EPHA7: variants seen among roughly 807,000 people sequenced by gnomAD.
The protein encoded by EPHA7 is EPH receptor A7.
Under a neutral mutation model 112.6 loss-of-function variants are expected in EPHA7, and 25 were observed. That is an observed-to-expected ratio of 0.22 (90% CI 0.16 to 0.31). The LOEUF (loss-of-function observed/expected upper bound fraction) is 0.31. Ranked by LOEUF, EPHA7 falls within the 10% of genes least tolerant of loss-of-function variation. The probability of loss-of-function intolerance (pLI) is 1.00; values close to 1 mark genes in which losing one functional copy is unlikely to be tolerated. For synonymous variants in EPHA7, 437 were observed against 406.5 expected (o/e 1.07, Z -0.90); for missense variants, 962 against 1,212.6 (o/e 0.79, Z 3.07).
intron 3 of EPHA7, among the ~76,000 whole-genome samples, chr6:93,373,962 T>A (rs982520978): frequency 2.0e-5 from 3 of 152,004 alleles, no homozygotes; most frequent in African/African-American, 7.2e-5. Flanking sequence ...TTCAGAGAAA[T>A]AAAGCATAAC....
At chr6:93,263,590 T>C (rs543358610) in intron 9 of EPHA7, among the ~76,000 whole-genome samples, 16 of 151,514 alleles carry the variant, frequency 1.1e-4, no homozygotes, top group Middle Eastern at 3.4e-3. Flanking sequence ...TAAGAAACAC[T>C]TGGGCAAAGT....
In EPHA7 at chr6:93,269,485, A is replaced by AT; in HGVS notation, c.1624dup (p.Met542AsnfsTer3). ...ACCAAAGGCATAATTACCTTCAAAC[A>AT]TTTTACCTGTAGCTTCCTCTAGTGT... is the stretch of plus-strand genomic sequence containing the variant. On this transcript the variant is annotated frameshift_variant, in exon 7 of 17. Transcript: ENST00000369303. LOFTEE classifies it high-confidence loss of function. The AT allele has an allele frequency of 6.2e-7, 1 of 1,610,524 alleles. No individual in the cohort carries two copies. The highest frequency in any genetic ancestry group is 8.5e-7 in the Non-Finnish European group (1 of 1,177,818).
At chr6:93,276,842 AT>A (rs1350485545) in intron 5 of EPHA7, among the ~76,000 whole-genome samples, 1 of 152,094 alleles carries the variant, frequency 6.6e-6, no homozygotes, top group Non-Finnish European at 1.5e-5. Context: ...AAAGTCATTT[AT>A]TTATACCATT....
chr6:93,276,293 G>T (rs958705956), intron 5 of EPHA7, among the ~76,000 whole-genome samples: 18 of 152,042 alleles, frequency 1.2e-4, no homozygotes, highest in African/African-American at 4.1e-4. Flanking sequence ...ACTTGCCATT[G>T]TTGGAGGGGA....
chr6:93,356,728 G>A lies in EPHA7; in HGVS notation c.1313C>T (p.Thr438Ile). ...AACACAAAACATACCTGCTTGACCA[G>A]TGGTGATACTGACAGCAGCAAAGAG... ...QRLFAAVSITTGQAAPSQVSG... is the reference protein window; with the variant it reads ...QRLFAAVSITIGQAAPSQVSG... Residue 438 changes from threonine to isoleucine, a missense_variant, in exon 5 of 17, where the codon ACT (threonine) becomes ATT (isoleucine). Coordinates refer to ENST00000369303, the MANE Select transcript of EPHA7 (RefSeq NM_004440.4). The A allele has an allele frequency of 6.2e-7, 1 of 1,611,278 alleles. No individual in the cohort carries two copies. Among genetic ancestry groups the A allele is most frequent in the Non-Finnish European group, 8.5e-7 (1 of 1,178,492 alleles).
rs574418308 is a variant in EPHA7 at position 93,327,964 on chromosome 6, A to G, written c.1324+28753T>C. On this transcript the variant is annotated intron_variant, in intron 5 of 16. Transcript: ENST00000369303. ...TATAATGACTTGCAAGGTCTAACAC[A>G]GTGTGTCCTTGCAACTCTGTTAACA... Among the ~76,000 whole-genome samples the G allele has an allele frequency of 2.8e-4, 42 of 151,586 alleles. 1 individual carries two copies. The highest frequency in any genetic ancestry group is 1.0e-3 in the African/African-American group (42 of 41,464).
At chr6:93,341,246 T>C (rs1316447592) in intron 5 of EPHA7, among the ~76,000 whole-genome samples, 1 of 151,932 alleles carries the variant, frequency 6.6e-6, no homozygotes, top group African/African-American at 2.4e-5. Flanking sequence ...TTTCTTGAAA[T>C]ATTCTCAGAG....
At chr6:93,282,014 T>A (rs1771767571) in intron 5 of EPHA7, among the ~76,000 whole-genome samples, 1 of 152,066 alleles carries the variant, frequency 6.6e-6, no homozygotes, top group Non-Finnish European at 1.5e-5. Context: ...TATGTCACTA[T>A]GTGCTTAAGT....
chr6:93,409,606 G>C (rs759731808), intron 3 of EPHA7: 2 of 151,676 alleles, frequency 1.3e-5, no homozygotes, highest in Non-Finnish European at 2.9e-5. Flanking sequence ...AGATATATGT[G>C]TTATTTTTAA....
intron 3 of EPHA7, among the ~76,000 whole-genome samples, chr6:93,363,175 C>T (rs1776339363): frequency 6.6e-6 from 1 of 152,030 alleles, no homozygotes; most frequent in Non-Finnish European, 1.5e-5. Context: ...TTATTAGGGC[C>T]TAGACATTTC....
rs1218588481 is a variant in EPHA7, at chr6:93,356,875, A to T, written c.1166T>A (p.Met389Lys). 1.9e-6 allele frequency: 3 copies of T among 1,614,052 alleles called. No homozygotes were observed. The highest frequency in any genetic ancestry group is 2.5e-6 in the Non-Finnish European group (3 of 1,180,046). The change falls in exon 5 of 17, where the codon ATG becomes AAG. Residue 389 changes from methionine to lysine, a missense_variant. By Grantham distance (95) the Met-to-Lys change is moderately conservative. Transcript: ENST00000369303. ...ATCCTCTAATCCAGTCTGCTGGGGC[A>T]TGTATCCAATGTTACTCCCACAGGG... is the stretch of plus-strand genomic sequence containing the variant. ...CVPCGSNIGY[M>K]PQQTGLEDNY...
intron 3 of EPHA7, among the ~76,000 whole-genome samples, chr6:93,374,282 C>A (rs1288875329): frequency 4.6e-5 from 7 of 152,244 alleles, no homozygotes; most frequent in South Asian, 4.1e-4. Context: ...TGTCTTCCCA[C>A]TCCTCTATTT....
chr6:93,256,663 C>A (rs1770452836), intron 12 of EPHA7, among the ~76,000 whole-genome samples: 1 of 151,998 alleles, frequency 6.6e-6, no homozygotes, highest in Admixed American at 6.6e-5. Flanking sequence ...CCACTTCCAA[C>A]CCATTTTAAC....
At chr6:93,360,860 C>T (rs564102343) in intron 3 of EPHA7, among the ~76,000 whole-genome samples, 5 of 152,238 alleles carry the variant, frequency 3.3e-5, no homozygotes, top group African/African-American at 1.2e-4. Context: ...ACTACTGACA[C>T]TCAGCCTTAT....
intron 5 of EPHA7, among the ~76,000 whole-genome samples, chr6:93,297,364 T>C (rs971900290): frequency 3.3e-5 from 5 of 152,134 alleles, no homozygotes; most frequent in Non-Finnish European, 5.9e-5. Flanking sequence ...GGAAAATGAA[T>C]TTACTTATCT....
intron 16 of EPHA7, 102 bp from the exon 17 acceptor site, chr6:93,243,642 T>C (rs561868414): frequency 5.4e-5 from 42 of 771,140 alleles, no homozygotes; most frequent in Admixed American, 4.9e-4. Context: ...CTTAGCCAAA[T>C]AGATCTTATC....
At chr6:93,386,006 A>C (rs1777583601) in intron 3 of EPHA7, among the ~76,000 whole-genome samples, 1 of 152,164 alleles carries the variant, frequency 6.6e-6, no homozygotes, top group Non-Finnish European at 1.5e-5. Context: ...CAGCATGGGC[A>C]GCAGAGGGGG....
intron 3 of EPHA7, among the ~76,000 whole-genome samples, chr6:93,408,840 T>C (rs1445796656): frequency 6.6e-6 from 1 of 152,130 alleles, no homozygotes; most frequent in Non-Finnish European, 1.5e-5. Context: ...TTAAAATTTC[T>C]AGCCACACTA....
At chr6:93,416,763 C>T (rs999727585) in intron 1 of EPHA7, among the ~76,000 whole-genome samples, 4 of 152,164 alleles carry the variant, frequency 2.6e-5, no homozygotes, top group Non-Finnish European at 5.9e-5. Context: ...GGCTCCGCGC[C>T]CCGGAGTCCT....
Sources: allele counts gnomAD v4.1 joint callset (sites outside exome capture counted in the v4.1 genomes callset), GRCh38; gene constraint gnomAD v4.1.1; transcripts MANE v1.5; gene names NCBI Gene and HGNC (gene_info 2026-07-23, HGNC 2026-07-21).